DENND2C: variants seen among roughly 807,000 people sequenced by gnomAD.
DENND2C encodes the protein DENN domain-containing protein 2C.
In DENND2C, 72 loss-of-function variants were observed where a neutral mutation model predicts 112.4. That is an observed-to-expected ratio of 0.64 (90% CI 0.53 to 0.78). The LOEUF (loss-of-function observed/expected upper bound fraction) is 0.78, where lower values mean the gene tolerates loss of function less well. Ranked by LOEUF, DENND2C falls within the 30% of genes least tolerant of loss-of-function variation. The pLI, the probability that DENND2C is intolerant of heterozygous loss-of-function variation, is 0.00. For missense variants in DENND2C, 992 were observed against 1,113.8 expected, an observed-to-expected ratio of 0.89 and a Z score of 1.56; for synonymous variants, 329 against 381.6, an observed-to-expected ratio of 0.86 and a Z score of 1.61.
intron 2 of DENND2C, among the ~76,000 whole-genome samples, chr1:114,648,925 A>G (rs1344231353): frequency 6.6e-6 from 1 of 152,118 alleles, no homozygotes; most frequent in East Asian, 1.9e-4. Context: ...CTGTCCATAT[A>G]ATTAAATAAA....
chr1:114,611,480 CAAACACCAACAGGGCTAAACAAGAATCT>C (rs1365238248), intron 8 of DENND2C, among the ~76,000 whole-genome samples: 2 of 152,032 alleles, frequency 1.3e-5, no homozygotes, highest in African/African-American at 4.8e-5. Context: ...GTATCAAAGG[CAAACACCAACAGGGCTAAACAAGAATCT>C]AAACACCAAC....
intron 16 of DENND2C, among the ~76,000 whole-genome samples, chr1:114,596,680 A>G (rs1335190269): frequency 6.6e-6 from 1 of 152,192 alleles, no homozygotes; most frequent in Admixed American, 6.5e-5. Context: ...AAGTGGGGTG[A>G]CTGGTACACA....
intron 4 of DENND2C, 74 bp downstream of exon 4, chr1:114,625,105 G>C: frequency 7.0e-7 from 1 of 1,430,920 alleles, no homozygotes; most frequent in African/African-American, 1.4e-5. Flanking sequence ...AAACTGGTTT[G>C]AAAAGGAAAA....
At chr1:114,660,246 A>G (rs562258141) in intron 1 of DENND2C, among the ~76,000 whole-genome samples, 17 of 152,368 alleles carry the variant, frequency 1.1e-4, no homozygotes, top group African/African-American at 3.4e-4. Context: ...AATATAATTA[A>G]CAACTTTCAA....
Position 114,600,220 on chromosome 1 carries a change from C to G in DENND2C, c.2089G>C (p.Val697Leu). 6.2e-7 allele frequency: 1 copy of G among 1,613,874 alleles called. No homozygotes were observed. The highest frequency in any genetic ancestry group is 8.5e-7 in the Non-Finnish European group (1 of 1,179,918). The change falls in exon 15 of 21, where the codon GTT becomes CTT. Residue 697 changes from valine (V) to leucine (L), a missense_variant. Coordinates refer to ENST00000393274, the MANE Select transcript of DENND2C (RefSeq NM_001256404.2). ...ATTTCTTACCTTAGGCTGTTGGCAA[C>G]AAAGATTACCCTACGCTCCAAAAGG... is the stretch of plus-strand genomic sequence containing the variant. ...SLLLERRVIF[V>L]ANSLSTLSKC...
chr1:114,621,964 G>A lies in DENND2C; in HGVS notation c.1158C>T (p.Val386=), dbSNP rs996489276. The A allele has an allele frequency of 7.1e-6, 11 of 1,550,746 alleles. No individual in the cohort carries two copies. The African/African-American group carries it at 1.4e-4, about 19-fold the overall frequency. Residue 386 remains valine, a synonymous_variant, in exon 7 of 21, where the codon GTC becomes GTT. Transcript: ENST00000393274. ...SKLTKDTTLP[V]TLTEWKLFRA... ...GGAAAAGCTTCCATTCCGTTAAAGT[G>A]ACCGGCAAAGTTGTATCTTTTGTAA...
At chr1:114,593,164 TG>T (rs1463149321) in intron 18 of DENND2C, among the ~76,000 whole-genome samples, 3 of 152,144 alleles carry the variant, frequency 2.0e-5, no homozygotes, top group Admixed American at 1.3e-4. Context: ...CATACTTTCC[TG>T]GTTTTTCTCC....
In DENND2C at chr1:114,600,343, G is replaced by C. The variant is rs763423669; in HGVS notation, c.1966C>G (p.Leu656Val). 1 of 1,614,046 alleles carries C rather than the reference G, an allele frequency of 6.2e-7. No individual in the cohort carries two copies. The highest frequency in any genetic ancestry group is 8.5e-7 in the Non-Finnish European group (1 of 1,179,982). Reference protein sequence around the residue: ...LPGAGDESIELCRPLDSRLEH... With the variant: ...LPGAGDESIEVCRPLDSRLEH... Reference sequence around the variant, plus strand: ...AATCGGGAATCTAGTGGTCGGCAGAGTTCAATGGACTGAAATGCAAGAAGT... The same window carrying C: ...AATCGGGAATCTAGTGGTCGGCAGACTTCAATGGACTGAAATGCAAGAAGT... The change falls in exon 15 of 21, where the codon CTC (leucine) becomes GTC (valine). Residue 656 changes from leucine to valine, a missense_variant. Physicochemically the swap from Leu to Val is conservative, Grantham distance 32. Coordinates refer to ENST00000393274, the MANE Select transcript of DENND2C (RefSeq NM_001256404.2).
intron 8 of DENND2C, among the ~76,000 whole-genome samples, chr1:114,616,823 C>A (rs776833704): frequency 6.6e-6 from 1 of 152,084 alleles, no homozygotes; most frequent in Admixed American, 6.6e-5. Flanking sequence ...CCATTGCACT[C>A]CAGCCTTGGC....
rs1209241983 is a variant in DENND2C, at chr1:114,654,556, T to A, written c.-368A>T. On this transcript the variant is annotated 5_prime_UTR_variant, in exon 2 of 21. Coordinates refer to ENST00000393274, the MANE Select transcript of DENND2C (RefSeq NM_001256404.2). ...TGAACACCCACTTCATACAGAGTAT[T>A]GTGAGAATTAAAACAGCAAGAACAG... The A allele has an allele frequency of 6.6e-6, 1 of 152,202 alleles. No homozygotes were observed. The highest frequency in any genetic ancestry group is 1.5e-5 in the Non-Finnish European group (1 of 68,038). The allele number at this position is 152,202 out of a possible 1,614,324, so 9.4% of individuals were successfully genotyped here.
intron 10 of DENND2C, among the ~76,000 whole-genome samples, chr1:114,607,409 A>G (rs1315726871): frequency 1.3e-5 from 2 of 152,174 alleles, no homozygotes; most frequent in Non-Finnish European, 2.9e-5. Context: ...CCCATTCCTG[A>G]CACTTAGGAA....
rs191563718 is a variant in DENND2C, at chr1:114,648,688, C to G, written c.-316-3129G>C. Among the ~76,000 whole-genome samples the G allele has an allele frequency of 6.1e-4, 93 of 152,206 alleles. No homozygotes were observed. The South Asian group carries it at 9.5e-3, about 16-fold the overall frequency. Reference sequence around the variant, plus strand: ...ACTCAAAGTGCTTGAGGCATATCCCCAGACTTAGGGAAGTACAGAGACACA... The same window carrying G: ...ACTCAAAGTGCTTGAGGCATATCCCGAGACTTAGGGAAGTACAGAGACACA... On this transcript the variant is annotated intron_variant, in intron 2 of 20. Coordinates refer to ENST00000393274, the MANE Select transcript of DENND2C (RefSeq NM_001256404.2).
chr1:114,669,229 A>G (rs1657723470), intron 1 of DENND2C, among the ~76,000 whole-genome samples: 1 of 152,218 alleles, frequency 6.6e-6, no homozygotes, highest in Admixed American at 6.5e-5. Context: ...ACGTTCAAAT[A>G]TCTGACATTT....
chr1:114,617,753 A>G (rs951704220), intron 8 of DENND2C, among the ~76,000 whole-genome samples: 9 of 152,074 alleles, frequency 5.9e-5, no homozygotes, highest in African/African-American at 2.2e-4. Flanking sequence ...AAAAAGACTA[A>G]TGTTTTCCTA....
rs1397200059 is a variant in DENND2C, at chr1:114,619,205, GAC to G, written c.1228-725_1228-724del. 6.6e-5 allele frequency among the ~76,000 whole-genome samples: 10 copies of G among 152,216 alleles called. No individual in the cohort carries two copies. In the East Asian group the frequency reaches 1.5e-3, roughly 23 times the overall value. ...GTGTGTGTAAGAGAAACAGACAGGA[GAC>G]ACACACAGAATGCGGTAAAAAAGAG... is the stretch of plus-strand genomic sequence containing the variant. On this transcript the variant is annotated intron_variant, in intron 7 of 20. Coordinates refer to ENST00000393274, the MANE Select transcript of DENND2C (RefSeq NM_001256404.2).
chr1:114,597,748 A>T (rs1215919020), intron 16 of DENND2C, among the ~76,000 whole-genome samples: 2 of 152,188 alleles, frequency 1.3e-5, no homozygotes, highest in Admixed American at 1.3e-4. Context: ...ACGCCACTGC[A>T]CTCCAGCCTG....
intron 18 of DENND2C, among the ~76,000 whole-genome samples, chr1:114,592,243 A>T (rs1001695476): frequency 6.6e-6 from 1 of 152,140 alleles, no homozygotes; most frequent in African/African-American, 2.4e-5. Context: ...GCTGGCTCTG[A>T]CACAAATCAA....
chr1:114,664,391 G>A (rs1657591598), intron 1 of DENND2C, among the ~76,000 whole-genome samples: 1 of 152,112 alleles, frequency 6.6e-6, no homozygotes, highest in Non-Finnish European at 1.5e-5. Flanking sequence ...GGCAGAAGGA[G>A]TGCTTAGGCC....
intron 12 of DENND2C, among the ~76,000 whole-genome samples, chr1:114,601,803 T>C (rs1391868841): frequency 6.6e-6 from 1 of 152,162 alleles, no homozygotes; most frequent in Non-Finnish European, 1.5e-5. Context: ...AAAGCCCTAA[T>C]ATGGTTGGTG....
Sources: allele counts gnomAD v4.1 joint callset (sites outside exome capture counted in the v4.1 genomes callset), GRCh38; gene constraint gnomAD v4.1.1; transcripts MANE v1.5; gene names NCBI Gene and HGNC (gene_info 2026-07-23, HGNC 2026-07-21).